Variants in NCOA6 observed in about 807,000 individuals in gnomAD.
NCOA6 encodes the protein nuclear receptor coactivator 6.
NCOA6 carries 49 observed loss-of-function variants against 171.4 expected under a neutral mutation model. That is an observed-to-expected ratio of 0.29 (90% CI 0.23 to 0.36). NCOA6 has a LOEUF of 0.36. Ranked by LOEUF, NCOA6 falls within the 10% of genes least tolerant of loss-of-function variation. The pLI is 1.00. For missense variants in NCOA6, 2,248 were observed against 2,554.5 expected, an observed-to-expected ratio of 0.88 and a Z score of 2.59; for synonymous variants, 910 against 927.5, an observed-to-expected ratio of 0.98 and a Z score of 0.34.
chr20:34,766,393 G>C (rs1372680013), intron 5 of NCOA6, among the ~76,000 whole-genome samples: 5 of 152,088 alleles, frequency 3.3e-5, no homozygotes, highest in African/African-American at 1.2e-4. Flanking sequence ...GAGGTGGGCA[G>C]ATCACTTGAG....
intron 3 of NCOA6, among the ~76,000 whole-genome samples, chr20:34,780,589 A>T (rs1200331215): frequency 6.6e-6 from 1 of 151,954 alleles, no homozygotes; most frequent in East Asian, 1.9e-4. Context: ...GCCTCAAGTG[A>T]TCCGCCCACC....
At chr20:34,777,507 C>T (rs1400805588) in intron 3 of NCOA6, among the ~76,000 whole-genome samples, 5 of 151,812 alleles carry the variant, frequency 3.3e-5, no homozygotes, top group Non-Finnish European at 7.4e-5. Context: ...CCCAGCTACT[C>T]AGGAGGCTGA....
At chr20:34,722,253 C>A (rs6060015) in intron 14 of NCOA6, among the ~76,000 whole-genome samples, 11 of 150,644 alleles carry the variant, frequency 7.3e-5, no homozygotes, top group Non-Finnish European at 1.0e-4. Context: ...TGGTGGTACG[C>A]GCCTGTAATC....
rs1961628360 is a variant in NCOA6 at position 34,745,320 on chromosome 20, C to T, written c.2914+1487G>A. 3.9e-5 allele frequency among the ~76,000 whole-genome samples: 6 copies of T among 152,092 alleles called. No individual in the cohort carries two copies. The South Asian group carries it at 1.2e-3, about 32-fold the overall frequency. On this transcript the variant is annotated intron_variant, in intron 10 of 14. Transcript: ENST00000359003. ...ATAGGCCAAATTCAGCCTGCAGGCC[C>T]CCAGTTTGCAGAAAGAAGGCAATAA...
chr20:34,782,666 CAGG>C (rs931441001), intron 2 of NCOA6, among the ~76,000 whole-genome samples: 8 of 152,202 alleles, frequency 5.3e-5, no homozygotes, highest in South Asian at 2.1e-4. Context: ...GCTAGAATGT[CAGG>C]AGAAGGGAAG....
intron 13 of NCOA6, among the ~76,000 whole-genome samples, chr20:34,731,537 G>C (rs182759095): frequency 3.9e-5 from 6 of 152,340 alleles, no homozygotes; most frequent in South Asian, 4.1e-4. Context: ...AATTAGATGA[G>C]ATAACACATC....
At chr20:34,725,476 AGGAATGAGGAC>A (rs1049091515) in intron 14 of NCOA6, among the ~76,000 whole-genome samples, 1 of 152,200 alleles carries the variant, frequency 6.6e-6, no homozygotes, top group African/African-American at 2.4e-5. Context: ...TTGTGATCAG[AGGAATGAGGAC>A]GGCATGTCCG....
chr20:34,745,639 C>A (rs1239525430), intron 10 of NCOA6, among the ~76,000 whole-genome samples: 1 of 152,200 alleles, frequency 6.6e-6, no homozygotes, highest in Non-Finnish European at 1.5e-5. Flanking sequence ...ATGTCGCTCT[C>A]ATTTTCATGC....
chr20:34,774,556 T>C (rs2077250282), intron 4 of NCOA6, among the ~76,000 whole-genome samples: 1 of 152,236 alleles, frequency 6.6e-6, no homozygotes. Flanking sequence ...GTCTCACTCC[T>C]ATAAACAAAA....
At position 34,741,344 on chromosome 20, in the gene NCOA6, C is replaced by T. The variant is rs766347909; in HGVS notation, c.4912G>A (p.Val1638Ile). Residue 1638 changes from valine to isoleucine, a missense_variant, in exon 11 of 15, where the codon GTT becomes ATT. Val to Ile is a conservative substitution (Grantham distance 29, BLOSUM62 3). Transcript: ENST00000359003. ...GCTGACTGTCCCTCAGAAACCATAA[C>T]CTTGCTACCCGCATTGGGCATTGTG... ...VVTMPNAGSK[V>I]MVSEGQSAAQ... 6.2e-7 allele frequency: 1 copy of T among 1,614,228 alleles called. No individual in the cohort carries two copies. The highest frequency in any genetic ancestry group is 8.5e-7 in the Non-Finnish European group (1 of 1,180,034).
chr20:34,785,442 T>TA (rs765192660), intron 2 of NCOA6, among the ~76,000 whole-genome samples: 300 of 110,392 alleles, frequency 2.7e-3, no homozygotes, highest in South Asian at 0.013. Flanking sequence ...TTTTAAAAAT[T>TA]AAAAAAAAAA....
rs1341553879 is a variant in NCOA6, at chr20:34,757,757, C to T, written c.991G>A (p.Ala331Thr). 1.9e-6 allele frequency: 3 copies of T among 1,614,136 alleles called. No individual in the cohort carries two copies. In the South Asian group the frequency reaches 3.3e-5, roughly 18 times the overall value. The change falls in exon 7 of 15, where the codon GCC becomes ACC. Residue 331 changes from alanine to threonine, a missense_variant. This residue lies in a region of NCOA6 where 987 missense variants were observed against 1,104.7 expected (regional missense o/e 0.89). Coordinates refer to ENST00000359003, the MANE Select transcript of NCOA6 (RefSeq NM_014071.5). The stretch of plus-strand genomic sequence containing the variant: ...GTCATTGTGCCCAGAGAACCCTGGG[C>T]TGGAGGAGGTTGAAGGGCTCCAGAA... ...LPSGALQPPP[A>T]QGSLGTMTAN... is the part of the protein sequence containing the mutation.
At chr20:34,739,562 C>A (rs2076065614) in intron 11 of NCOA6, among the ~76,000 whole-genome samples, 1 of 152,114 alleles carries the variant, frequency 6.6e-6, no homozygotes, top group African/African-American at 2.4e-5. Flanking sequence ...GCTATGAGGA[C>A]CCATTGTTCT....
intron 1 of NCOA6, among the ~76,000 whole-genome samples, chr20:34,822,591 T>C (rs1372949336): frequency 6.6e-6 from 1 of 152,238 alleles, no homozygotes; most frequent in African/African-American, 2.4e-5. Flanking sequence ...ATTGTTCACA[T>C]GTCTACTTCA....
rs759223594 is a variant in NCOA6 at position 34,740,631 on chromosome 20, G to A, written c.5625C>T (p.Asp1875=). The change falls in exon 11 of 15, where the codon GAC becomes GAT. Residue 1875 remains aspartate (D), a synonymous_variant. Coordinates refer to ENST00000359003, the MANE Select transcript of NCOA6 (RefSeq NM_014071.5). ...MGTEQLSTEL[D]SKTPTPPAPT... is the part of the protein sequence containing the mutation. Reference sequence around the variant, plus strand: ...GTGCTGGGGGCGTTGGGGTTTTACTGTCCAGCTCTGTGGATAACTGCTCTG... The same window carrying A: ...GTGCTGGGGGCGTTGGGGTTTTACTATCCAGCTCTGTGGATAACTGCTCTG... 6.2e-7 allele frequency: 1 copy of A among 1,614,204 alleles called. No individual in the cohort carries two copies. Among genetic ancestry groups the A allele is most frequent in the Admixed American group, 1.7e-5 (1 of 60,030 alleles).
intron 1 of NCOA6, among the ~76,000 whole-genome samples, chr20:34,813,480 A>G (rs1307734413): frequency 6.6e-6 from 1 of 151,934 alleles, no homozygotes; most frequent in Non-Finnish European, 1.5e-5. Context: ...AAAAAAAAAA[A>G]AGGTCATTTT....
At chr20:34,775,051 G>A (rs1312417972) in intron 4 of NCOA6, among the ~76,000 whole-genome samples, 1 of 152,184 alleles carries the variant, frequency 6.6e-6, no homozygotes, top group Non-Finnish European at 1.5e-5. Flanking sequence ...TAGGGGAAGG[G>A]GGTTGGTAGG....
chr20:34,803,222 C>A (rs1224437026), intron 1 of NCOA6, among the ~76,000 whole-genome samples: 1 of 152,124 alleles, frequency 6.6e-6, no homozygotes, highest in Non-Finnish European at 1.5e-5. Context: ...AATCTCAGAA[C>A]TTTGGAATGC....
rs766298651 is a variant in NCOA6 at position 34,742,653 on chromosome 20, A to T, written c.3603T>A (p.Ala1201=). The T allele has an allele frequency of 1.2e-6, 2 of 1,614,198 alleles. No homozygotes were observed. The highest frequency in any genetic ancestry group is 8.5e-7 in the Non-Finnish European group (1 of 1,180,040). Residue 1201 remains alanine, a synonymous_variant, in exon 11 of 15, where the codon GCT becomes GCA. Transcript: ENST00000359003. ...SSHGHHFPNV[A]APTQTSRPKT... is the part of the protein sequence containing the mutation. ...TGGGCCTAGATGTCTGGGTTGGCGC[A>T]GCCACATTTGGGAAGTGGTGGCCGT... is the stretch of plus-strand genomic sequence containing the variant.
Sources: allele counts gnomAD v4.1 joint callset (sites outside exome capture counted in the v4.1 genomes callset), GRCh38; gene constraint gnomAD v4.1.1; regional missense constraint gnomAD v4.1.1; transcripts MANE v1.5; gene names NCBI Gene and HGNC (gene_info 2026-07-23, HGNC 2026-07-21).